C13orf42: variants seen among roughly 807,000 people sequenced by gnomAD.
C13orf42 encodes the protein chromosome 13 open reading frame 42.
chr13:51,160,030 G>A (rs747539771), intron 1 of C13orf42, among the ~76,000 whole-genome samples: 7 of 152,256 alleles, frequency 4.6e-5, no homozygotes, highest in Admixed American at 6.5e-5. Context: ...TCACTATCTC[G>A]AGAATAGCAT....
chr13:51,158,791 A>T (rs1953842011), intron 1 of C13orf42, among the ~76,000 whole-genome samples: 2 of 152,226 alleles, frequency 1.3e-5, no homozygotes. Flanking sequence ...AACTGAATTG[A>T]TGGGTGTTCT....
intron 1 of C13orf42, among the ~76,000 whole-genome samples, chr13:51,146,621 C>T (rs1953738430): frequency 1.3e-5 from 2 of 152,310 alleles, no homozygotes; most frequent in Admixed American, 1.3e-4. Context: ...GGCAGAACAA[C>T]TTGAAGCAAA....
chr13:51,111,719 C>T (rs77228466), upstream of C13orf42, among the ~76,000 whole-genome samples: 219 of 152,318 alleles, frequency 1.4e-3, 4 homozygotes, highest in East Asian at 0.032. Context: ...TTCTACTTAG[C>T]AGGGACAGCC....
intron 1 of C13orf42, among the ~76,000 whole-genome samples, chr13:51,099,774 A>C (rs767826234): frequency 2.0e-5 from 3 of 152,218 alleles, no homozygotes; most frequent in Non-Finnish European, 4.4e-5. Flanking sequence ...TGCTGGGATT[A>C]TAGGGATGAG....
chr13:51,096,110 T>C (rs1335717826), intron 1 of C13orf42, among the ~76,000 whole-genome samples: 1 of 152,210 alleles, frequency 6.6e-6, no homozygotes, highest in African/African-American at 2.4e-5. Flanking sequence ...TAAATCTCTC[T>C]AGAAATACCT....
rs780013284 is a variant in C13orf42 at position 51,091,492 on chromosome 13, T to C, written c.415-3417A>G. The stretch of plus-strand genomic sequence containing the variant: ...CCTACTTAGCCCTGCCTGCCTTCCC[T>C]GCCCCTTGACCCAGTCTGAGATCCC... On this transcript the variant is annotated intron_variant, in intron 1 of 3. Transcript: ENST00000563710. 1.6e-4 allele frequency among the ~76,000 whole-genome samples: 24 copies of C among 152,186 alleles called. 2 individuals carry two copies. Among genetic ancestry groups the C allele is most frequent in the Admixed American group, 2.0e-4 (3 of 15,282 alleles).
intron 1 of C13orf42, among the ~76,000 whole-genome samples, chr13:51,167,459 A>G (rs536424219): frequency 1.3e-5 from 2 of 152,198 alleles, no homozygotes; most frequent in Non-Finnish European, 2.9e-5. Context: ...TACAAAGCCC[A>G]TGACTCAAGG....
chr13:51,159,254 T>G (rs1953845794), intron 1 of C13orf42, among the ~76,000 whole-genome samples: 2 of 152,312 alleles, frequency 1.3e-5, no homozygotes, highest in African/African-American at 4.8e-5. Flanking sequence ...CACCTATGAT[T>G]TATATTTTCT....
intron 1 of C13orf42, among the ~76,000 whole-genome samples, chr13:51,166,854 G>A (rs554918782): frequency 9.0e-4 from 137 of 152,242 alleles, no homozygotes; most frequent in African/African-American, 3.2e-3. Context: ...CGAGGCGGGC[G>A]CATTGCCTGA....
rs555745671 is a variant in C13orf42, at chr13:51,102,039, T to G, written c.414+8757A>C. On this transcript the variant is annotated intron_variant, in intron 1 of 3. Transcript: ENST00000563710. ...ACTGCAGGAATCATATGCACAGTTA[T>G]CAATCATTATTATACTGTCTGCCAT... is the stretch of plus-strand genomic sequence containing the variant. Among the ~76,000 whole-genome samples, 3 of 152,332 alleles carry G rather than the reference T, an allele frequency of 2.0e-5. 1 individual carries two copies. In the South Asian group the frequency reaches 6.2e-4, roughly 32 times the overall value.
At chr13:51,115,940 A>C (rs1448725143), upstream of C13orf42, among the ~76,000 whole-genome samples, 1 of 152,178 alleles carries the variant, frequency 6.6e-6, no homozygotes, top group Admixed American at 6.5e-5. Context: ...TGACAGATGA[A>C]GCACAGTTCC....
chr13:51,131,133 G>A (rs1349665903), intron 1 of C13orf42, among the ~76,000 whole-genome samples: 1 of 152,132 alleles, frequency 6.6e-6, no homozygotes, highest in Non-Finnish European at 1.5e-5. Flanking sequence ...GTTTTTCAAA[G>A]TCAAGGAAAC....
chr13:51,100,548 A>C (rs1452176285), intron 1 of C13orf42, among the ~76,000 whole-genome samples: 1 of 152,176 alleles, frequency 6.6e-6, no homozygotes, highest in Non-Finnish European at 1.5e-5. Context: ...TTATGACGAT[A>C]AAAAAGGTCA....
intron 1 of C13orf42, among the ~76,000 whole-genome samples, chr13:51,099,696 G>A (rs1399828828): frequency 3.3e-5 from 5 of 152,070 alleles, no homozygotes; most frequent in Admixed American, 1.3e-4. Context: ...GTGCAGTGCC[G>A]TGACCATCGT....
intron 1 of C13orf42, among the ~76,000 whole-genome samples, chr13:51,122,579 G>A (rs12184751): frequency 0.23 from 35,195 of 150,466 alleles, 5,535 homozygotes; most frequent in African/African-American, 0.45. Flanking sequence ...AAGAAAGAAA[G>A]AGAAAAGAAA....
intron 1 of C13orf42, among the ~76,000 whole-genome samples, chr13:51,100,053 G>A (rs997539942): frequency 6.6e-6 from 1 of 152,224 alleles, no homozygotes; most frequent in South Asian, 2.1e-4. Context: ...TTATATACAT[G>A]CCAGTTGTCA....
intron 1 of C13orf42, among the ~76,000 whole-genome samples, chr13:51,157,859 A>G (rs1404798970): frequency 6.6e-6 from 1 of 152,232 alleles, no homozygotes; most frequent in Non-Finnish European, 1.5e-5. Flanking sequence ...GGCTCTCACA[A>G]AAGATTTAAA....
intron 1 of C13orf42, among the ~76,000 whole-genome samples, chr13:51,150,994 C>T (rs1413193791): frequency 6.6e-6 from 1 of 152,182 alleles, no homozygotes; most frequent in Admixed American, 6.5e-5. Flanking sequence ...CTCTTCAGAA[C>T]CCCCCTGGCC....
chr13:51,085,943 G>A (rs1466985203), intron 2 of C13orf42, among the ~76,000 whole-genome samples: 2 of 152,074 alleles, frequency 1.3e-5, no homozygotes, highest in Admixed American at 6.5e-5. Flanking sequence ...CAGCTACTGG[G>A]AAGGCAGAGG....
Sources: gnomAD v4.1 joint callset for allele counts (sites outside exome capture counted in the v4.1 genomes callset) on GRCh38, gnomAD v4.1.1 for gene constraint, MANE v1.5 for transcripts, NCBI Gene and HGNC (gene_info 2026-07-23, HGNC 2026-07-21) for gene names.